Variants in CBLN2 observed in about 807,000 individuals in gnomAD.
CBLN2 encodes the protein cerebellin-2.
In CBLN2, 7 loss-of-function variants were observed where a neutral mutation model predicts 15.0. That is an observed-to-expected ratio of 0.47 (90% confidence interval 0.27 to 0.88). The LOEUF (loss-of-function observed/expected upper bound fraction) is 0.88, where lower values mean the gene tolerates loss of function less well. Among genes scored for constraint, CBLN2 ranks in the 40% least tolerant of loss-of-function variants. CBLN2 has a pLI of 0.14. For synonymous variants in CBLN2, 149 were observed against 135.2 expected (o/e 1.10, Z -0.71); for missense variants, 242 against 304.5 (o/e 0.79, Z 1.53).
chr18:72,625,818 C>CA (rs2069734966), intron 1 of CBLN2, among the ~76,000 whole-genome samples: 1 of 57,400 alleles, frequency 1.7e-5, no homozygotes, highest in South Asian at 8.6e-4. Context: ...CTCTCTCTCT[C>CA]TATATATATA....
At chr18:72,634,035 TTTAAG>T (rs1267081406) in intron 1 of CBLN2, among the ~76,000 whole-genome samples, 11 of 151,856 alleles carry the variant, frequency 7.2e-5, no homozygotes, top group South Asian at 2.1e-4. Flanking sequence ...CAAACTTCTC[TTTAAG>T]TTATGTTAAA....
intron 3 of CBLN2, chr18:72,539,514 T>G (rs2069093259): frequency 6.6e-6 from 1 of 152,226 alleles, no homozygotes; most frequent in South Asian, 2.1e-4. Context: ...GTAAATGAGC[T>G]TGAATAAATA....
chr18:72,589,855 A>G (rs1046029198), intron 1 of CBLN2, among the ~76,000 whole-genome samples: 9 of 152,242 alleles, frequency 5.9e-5, no homozygotes, highest in African/African-American at 2.2e-4. Context: ...TGTGGAGGTC[A>G]GCTGCAGTGG....
At chr18:72,582,993 A>T (rs531328739) in intron 1 of CBLN2, among the ~76,000 whole-genome samples, 1 of 152,164 alleles carries the variant, frequency 6.6e-6, no homozygotes, top group African/African-American at 2.4e-5. Flanking sequence ...GCTGAGGTTC[A>T]CTCTGTGAGA....
At chr18:72,568,011 C>T (rs1184133271) in intron 1 of CBLN2, among the ~76,000 whole-genome samples, 1 of 152,094 alleles carries the variant, frequency 6.6e-6, no homozygotes, top group Non-Finnish European at 1.5e-5. Flanking sequence ...TGTTTACATA[C>T]TCATTTTCAC....
At chr18:72,551,817 G>T (rs182999280) in intron 1 of CBLN2, among the ~76,000 whole-genome samples, 22 of 152,276 alleles carry the variant, frequency 1.4e-4, no homozygotes, top group Non-Finnish European at 1.8e-4. Context: ...TTTCATTAAA[G>T]AAATAAATTG....
chr18:72,561,379 G>A (rs1025115119), intron 1 of CBLN2, among the ~76,000 whole-genome samples: 3 of 151,996 alleles, frequency 2.0e-5, no homozygotes, highest in Admixed American at 6.6e-5. Context: ...AAAATGTTCT[G>A]ATTACTTAAA....
intron 1 of CBLN2, among the ~76,000 whole-genome samples, chr18:72,550,056 C>G (rs1310197699): frequency 1.3e-5 from 2 of 152,152 alleles, no homozygotes; most frequent in Non-Finnish European, 2.9e-5. Flanking sequence ...AAATATTCTC[C>G]TGGTTGTAAT....
intron 1 of CBLN2, among the ~76,000 whole-genome samples, chr18:72,574,927 G>A (rs915054191): frequency 1.3e-5 from 2 of 152,176 alleles, no homozygotes; most frequent in Non-Finnish European, 2.9e-5. Flanking sequence ...GGAAATGCAA[G>A]CAACGCTTGT....
At chr18:72,624,279 C>T (rs2069720116) in intron 1 of CBLN2, among the ~76,000 whole-genome samples, 3 of 152,044 alleles carry the variant, frequency 2.0e-5, no homozygotes, top group Admixed American at 1.3e-4. Context: ...CCATCTCCAC[C>T]CTCCCTCTTA....
intron 1 of CBLN2, among the ~76,000 whole-genome samples, chr18:72,598,098 C>T (rs774751702): frequency 1.3e-5 from 2 of 152,188 alleles, no homozygotes; most frequent in Non-Finnish European, 2.9e-5. Flanking sequence ...CTTCTCCTTT[C>T]CTAAAGCAGA....
chr18:72,545,229 A>G (rs1462345509), upstream of CBLN2, among the ~76,000 whole-genome samples: 2 of 152,216 alleles, frequency 1.3e-5, no homozygotes, highest in Admixed American at 6.5e-5. Flanking sequence ...AGCACTGGAG[A>G]TGAAATTCAC....
chr18:72,632,536 G>C (rs575442308), intron 1 of CBLN2, among the ~76,000 whole-genome samples: 11 of 152,074 alleles, frequency 7.2e-5, no homozygotes, highest in Non-Finnish European at 1.5e-4. Flanking sequence ...TTGTCTCCCA[G>C]CTCTCCTCCA....
At chr18:72,621,398 T>G (rs762001751) in intron 1 of CBLN2, among the ~76,000 whole-genome samples, 1 of 152,218 alleles carries the variant, frequency 6.6e-6, no homozygotes, top group Admixed American at 6.5e-5. Flanking sequence ...TGTATCAAGA[T>G]TAGTATATGT....
intron 2 of CBLN2, chr18:72,542,991 C>T (rs1258353044): frequency 6.4e-6 from 1 of 155,812 alleles, no homozygotes; most frequent in Admixed American, 6.5e-5. Context: ...CTTCCAAGGT[C>T]CCTGCAGCCA....
intron 1 of CBLN2, among the ~76,000 whole-genome samples, chr18:72,555,411 T>C (rs2069220065): frequency 6.6e-6 from 1 of 151,636 alleles, no homozygotes; most frequent in Admixed American, 6.6e-5. Flanking sequence ...TGAAAGAAAT[T>C]CACGGTGAAT....
At position 72,622,051 on chromosome 18, in the gene CBLN2, A is replaced by T. The variant is rs575359236; in HGVS notation, c.15+16274T>A. 1.3e-3 allele frequency among the ~76,000 whole-genome samples: 205 copies of T among 152,250 alleles called. 1 individual carries two copies. Among genetic ancestry groups the T allele is most frequent in the Non-Finnish European group, 5.1e-4 (35 of 68,020 alleles). ...GCATTTTAATTTTCTATTTTTATAG[A>T]TATATAGGAAGACTTTTCTCCTTAT... On this transcript the variant is annotated intron_variant, in intron 1 of 2. Coordinates refer to the CBLN2 transcript ENST00000581073.
chr18:72,628,087 A>G (rs34693510), intron 1 of CBLN2, among the ~76,000 whole-genome samples: 2,245 of 152,296 alleles, frequency 0.015, 28 homozygotes, highest in Non-Finnish European at 0.022. Flanking sequence ...TTCTACCTCA[A>G]CAGGGCTGCC....
At chr18:72,587,396 A>G (rs1405605151) in intron 1 of CBLN2, among the ~76,000 whole-genome samples, 1 of 152,136 alleles carries the variant, frequency 6.6e-6, no homozygotes, top group African/African-American at 2.4e-5. Flanking sequence ...TTTAAAAGAA[A>G]GAATAATTTA....
Sources: allele counts gnomAD v4.1 joint callset (sites outside exome capture counted in the v4.1 genomes callset), GRCh38; gene constraint gnomAD v4.1.1; transcripts MANE v1.5; gene names NCBI Gene and HGNC (gene_info 2026-07-23, HGNC 2026-07-21).